The following EFR3A variants were observed in gnomAD, a reference collection of about 807,000 sequenced individuals.
EFR3A encodes the protein EFR3 homolog A, also known as protein EFR3 homolog A.
Under a neutral mutation model 104.4 loss-of-function variants are expected in EFR3A, and 76 were observed. That is an observed-to-expected ratio of 0.73 (90% CI 0.60 to 0.88). The LOEUF (loss-of-function observed/expected upper bound fraction) is 0.88, where lower values mean the gene tolerates loss of function less well. Among genes scored for constraint, EFR3A ranks in the 40% least tolerant of loss-of-function variants. EFR3A has a pLI of 0.00. For synonymous variants in EFR3A, 330 were observed against 330.0 expected (o/e 1.00, Z 0.00); for missense variants, 985 against 1,012.5 (o/e 0.97, Z 0.37).
At chr8:131,982,239 A>G (rs1232960189) in intron 14 of EFR3A, among the ~76,000 whole-genome samples, 2 of 152,064 alleles carry the variant, frequency 1.3e-5, no homozygotes, top group Non-Finnish European at 2.9e-5. Flanking sequence ...TAGTTTTGCC[A>G]GTTTTTGTAA....
chr8:131,981,024 T>TAC (rs1295430762), intron 14 of EFR3A, among the ~76,000 whole-genome samples: 2 of 118,944 alleles, frequency 1.7e-5, no homozygotes, highest in African/African-American at 6.3e-5. Context: ...TTTCATTTTA[T>TAC]ATATATATAT....
At chr8:131,980,169 G>A (rs1483248458) in intron 14 of EFR3A, among the ~76,000 whole-genome samples, 1 of 152,032 alleles carries the variant, frequency 6.6e-6, no homozygotes, top group Non-Finnish European at 1.5e-5. Context: ...ACAGAGCCCC[G>A]TAGGAAGCTA....
chr8:132,002,553 C>G (rs758962716), intron 20 of EFR3A, 50 bp from the exon 21 acceptor site: 1 of 1,465,938 alleles, frequency 6.8e-7, no homozygotes, highest in Non-Finnish European at 9.5e-7. Flanking sequence ...TGACTGGGTT[C>G]TGTGAAATTA....
At chr8:131,971,236 A>T (rs1319738429) in intron 10 of EFR3A, among the ~76,000 whole-genome samples, 1 of 152,260 alleles carries the variant, frequency 6.6e-6, no homozygotes, top group East Asian at 1.9e-4. Flanking sequence ...CTTGAATCCA[A>T]GATTCAGTCT....
At chr8:131,992,145 G>A (rs757232334) in intron 18 of EFR3A, among the ~76,000 whole-genome samples, 1 of 151,886 alleles carries the variant, frequency 6.6e-6, no homozygotes, top group African/African-American at 2.4e-5. Context: ...TTTCACTTCC[G>A]GTGAGACCTT....
At chr8:132,000,695 G>A (rs1002461825) in intron 19 of EFR3A, 16 of 152,218 alleles carry the variant, frequency 1.1e-4, no homozygotes, top group Admixed American at 9.8e-4. Context: ...TTTCACTGAA[G>A]TACTAGAATG....
chr8:131,943,164 A>C (rs1031249190), intron 2 of EFR3A, among the ~76,000 whole-genome samples: 1 of 152,068 alleles, frequency 6.6e-6, no homozygotes, highest in African/African-American at 2.4e-5. Context: ...ATATCTAAGT[A>C]GTTAAGTATC....
chr8:131,925,824 T>C (rs1038064647), intron 1 of EFR3A, among the ~76,000 whole-genome samples: 1 of 152,204 alleles, frequency 6.6e-6, no homozygotes, highest in Admixed American at 6.5e-5. Flanking sequence ...TGTGTTTTCC[T>C]TCACAGTTGT....
rs1203809561 is a variant in EFR3A, at chr8:132,011,999, G to A, written c.*1104G>A. On this transcript the variant is annotated 3_prime_UTR_variant, in exon 23 of 23. Coordinates refer to ENST00000254624, the MANE Select transcript of EFR3A (RefSeq NM_015137.6). ...TTGATTTCAGCTACCAAGATCACAG[G>A]TGCACTCTACACATAACACTGACAG... 1 of 152,050 alleles carries A rather than the reference G, an allele frequency of 6.6e-6. No individual in the cohort carries two copies. The allele number at this position is 152,050 out of a possible 1,614,324, so 9.4% of individuals were successfully genotyped here.
intron 1 of EFR3A, among the ~76,000 whole-genome samples, chr8:131,916,680 T>A (rs1816757849): frequency 6.6e-6 from 1 of 152,216 alleles, no homozygotes; most frequent in South Asian, 2.1e-4. Context: ...GGTCATTTTT[T>A]AAACAAATAC....
intron 10 of EFR3A, among the ~76,000 whole-genome samples, chr8:131,972,272 T>TA (rs3051320): frequency 6.6e-6 from 1 of 150,838 alleles, no homozygotes; most frequent in East Asian, 1.9e-4. Flanking sequence ...TTTTTTTTTT[T>TA]AAAGCACTGC....
chr8:131,927,077 A>T (rs1004069831), intron 1 of EFR3A, among the ~76,000 whole-genome samples: 1 of 152,196 alleles, frequency 6.6e-6, no homozygotes, highest in African/African-American at 2.4e-5. Flanking sequence ...AATAAACCAC[A>T]GCTCTGCCCT....
At chr8:131,926,690 G>C (rs1817316469) in intron 1 of EFR3A, among the ~76,000 whole-genome samples, 1 of 152,042 alleles carries the variant, frequency 6.6e-6, no homozygotes, top group African/African-American at 2.4e-5. Context: ...CATGATTGTA[G>C]CTCACTGCAA....
At chr8:131,949,187 A>T (rs1334306314) in intron 4 of EFR3A, among the ~76,000 whole-genome samples, 6 of 152,110 alleles carry the variant, frequency 3.9e-5, no homozygotes, top group Admixed American at 3.9e-4. Context: ...ACTATGCAAC[A>T]TTGGTTCATG....
rs372010555 is a variant in EFR3A at position 131,927,632 on chromosome 8, C to A, written c.11-12867C>A. Among the ~76,000 whole-genome samples the A allele has an allele frequency of 3.5e-4, 54 of 152,194 alleles. 1 individual carries two copies. The East Asian group carries it at 7.1e-3, about 20-fold the overall frequency. The stretch of plus-strand genomic sequence containing the variant: ...AGGTGGTCATACATATACTCATATA[C>A]AAAATGAAATGGTTTTTAGCAAGAG... On this transcript the variant is annotated intron_variant, in intron 1 of 22. Transcript: ENST00000254624.
At chr8:131,965,390 A>G (rs376165878) in intron 8 of EFR3A, among the ~76,000 whole-genome samples, 3 of 152,228 alleles carry the variant, frequency 2.0e-5, no homozygotes, top group East Asian at 3.8e-4. Context: ...AACATCAACA[A>G]GTGGGTGAAG....
intron 3 of EFR3A, among the ~76,000 whole-genome samples, 187 bp from the exon 4 acceptor site, chr8:131,946,296 G>A (rs1283260823): frequency 6.6e-6 from 1 of 151,936 alleles, no homozygotes; most frequent in East Asian, 1.9e-4. Context: ...TTCGATAAAA[G>A]GATTATTTTA....
chr8:132,005,481 C>G (rs1014010638), intron 22 of EFR3A, among the ~76,000 whole-genome samples: 1 of 151,772 alleles, frequency 6.6e-6, no homozygotes. Flanking sequence ...GAATAAGCAG[C>G]CTCACAGATA....
chr8:131,950,415 C>G (rs1019485075), intron 5 of EFR3A, among the ~76,000 whole-genome samples: 2 of 152,126 alleles, frequency 1.3e-5, no homozygotes. Flanking sequence ...TTTAGTCACA[C>G]CTCTCCTCAG....
Sources: allele counts gnomAD v4.1 joint callset (sites outside exome capture counted in the v4.1 genomes callset), GRCh38; gene constraint gnomAD v4.1.1; transcripts MANE v1.5; gene names NCBI Gene and HGNC (gene_info 2026-07-23, HGNC 2026-07-21).